STAB2: variants seen among roughly 807,000 people sequenced by gnomAD.
The protein encoded by STAB2 is stabilin-2.
Under a neutral mutation model 338.1 loss-of-function variants are expected in STAB2, and 288 were observed. The observed-to-expected ratio is 0.85, with a 90% CI of 0.77 to 0.94. The LOEUF is 0.94. Among genes scored for constraint, STAB2 ranks in the 40% least tolerant of loss-of-function variants. The probability of loss-of-function intolerance (pLI) is 0.00; values close to 1 mark genes in which losing one functional copy is unlikely to be tolerated. For missense variants in STAB2, 3,141 were observed against 3,210.1 expected (o/e 0.98, Z 0.52); for synonymous variants, 1,202 against 1,193.3 (o/e 1.01, Z -0.15).
chr12:103,611,715 T>C (rs1387725750), intron 3 of STAB2, among the ~76,000 whole-genome samples: 1 of 152,190 alleles, frequency 6.6e-6, no homozygotes, highest in Non-Finnish European at 1.5e-5. Flanking sequence ...ATGTGTGAAT[T>C]TGATCCTGTC....
Position 103,666,298 on chromosome 12 carries a change from G to A in STAB2, c.2030G>A (p.Cys677Tyr), listed in dbSNP as rs1289036662. ...TCCTGTCTCTCCCTCCAGGGCACTTGTGTGAGCTGTTCTCTGGTGTACTGG... is the reference window on the plus strand; with the variant it reads ...TCCTGTCTCTCCCTCCAGGGCACTTATGTGAGCTGTTCTCTGGTGTACTGG... Reference protein sequence around the residue: ...ETKREMKLGTCVSCSLVYWSR... With the variant: ...ETKREMKLGTYVSCSLVYWSR... The change falls in exon 19 of 69, where the codon TGT (cysteine) becomes TAT (tyrosine). Residue 677 changes from cysteine (C) to tyrosine (Y), a missense_variant. Physicochemically the swap from Cys to Tyr is radical, Grantham distance 194. Coordinates refer to ENST00000388887, the MANE Select transcript of STAB2 (RefSeq NM_017564.10). 4 of 1,614,078 alleles carry A rather than the reference G, an allele frequency of 2.5e-6. No homozygotes were observed. Among genetic ancestry groups the A allele is most frequent in the Non-Finnish European group, 3.4e-6 (4 of 1,180,032 alleles).
At chr12:103,660,191 G>A (rs1874489930) in intron 15 of STAB2, 140 bp from the exon 16 acceptor site, 1 of 840,340 alleles carries the variant, frequency 1.2e-6, no homozygotes, top group Non-Finnish European at 2.0e-6. Flanking sequence ...ATTTGGAGGT[G>A]GGGTTTCTCT....
chr12:103,729,004 CA>C lies in STAB2; in HGVS notation c.5082+10del, dbSNP rs1324226081. 40 of 1,613,368 alleles carry C rather than the reference CA, an allele frequency of 2.5e-5. No individual in the cohort carries two copies. Among genetic ancestry groups the C allele is most frequent in the Non-Finnish European group, 3.3e-5 (39 of 1,179,612 alleles). ...TCATCTCCGTCTCTCAGGTAGATGCCAGTTATCCTTAGGTCCTCTCTCCCCT... is the reference window on the plus strand; with the variant it reads ...TCATCTCCGTCTCTCAGGTAGATGCCGTTATCCTTAGGTCCTCTCTCCCCT... On this transcript the variant is annotated intron_variant, in intron 48 of 68. Coordinates refer to ENST00000388887, the MANE Select transcript of STAB2 (RefSeq NM_017564.10).
intron 44 of STAB2, among the ~76,000 whole-genome samples, chr12:103,721,252 C>T (rs887595193): frequency 5.3e-5 from 8 of 152,088 alleles, no homozygotes; most frequent in East Asian, 1.9e-4. Context: ...GCCTCTCTGC[C>T]GAGGTGACTC....
rs566789505 is a variant in STAB2 at position 103,648,893 on chromosome 12, T to C, written c.1174+70T>C. The C allele has an allele frequency of 4.6e-5, 73 of 1,573,144 alleles. No homozygotes were observed. The Middle Eastern group carries it at 5.1e-4, about 11-fold the overall frequency. On this transcript the variant is annotated intron_variant, in intron 10 of 68. Coordinates refer to ENST00000388887, the MANE Select transcript of STAB2 (RefSeq NM_017564.10). ...AGGAAAGGGCATCTGCAAGATACAA[T>C]GATTCAGAAAGGGACAGGCGAGCCT... is the stretch of plus-strand genomic sequence containing the variant.
intron 9 of STAB2, among the ~76,000 whole-genome samples, chr12:103,648,487 G>A (rs1873494021): frequency 6.6e-6 from 1 of 152,108 alleles, no homozygotes; most frequent in South Asian, 2.1e-4. Flanking sequence ...AAGATATCTA[G>A]TGTTGACAGA....
At position 103,755,368 on chromosome 12, in the gene STAB2, G is replaced by A. The variant is rs147296184; in HGVS notation, c.6781G>A (p.Ala2261Thr). The A allele has an allele frequency of 3.7e-5, 60 of 1,614,092 alleles. No individual in the cohort carries two copies. In the Admixed American group the frequency reaches 4.3e-4, roughly 12 times the overall value. Residue 2261 changes from alanine (A) to threonine (T), a missense_variant, in exon 62 of 69, where the codon GCC (alanine) becomes ACC (threonine). Physicochemically the swap from Ala to Thr is moderately conservative, Grantham distance 58. Transcript: ENST00000388887. ...GCGGGTTGCCTACCCCACAGCCTTC[G>A]CCTCCCAGAACTGTGGCTCTGGTGT... ...TGRVAYPTAF[A>T]SQNCGSGVVG...
intron 58 of STAB2, among the ~76,000 whole-genome samples, chr12:103,747,328 C>T (rs923258655): frequency 6.6e-6 from 1 of 152,168 alleles, no homozygotes; most frequent in African/African-American, 2.4e-5. Flanking sequence ...ATAAATAAGG[C>T]AGATGTTTCC....
chr12:103,763,350 A>G (rs978547809), intron 67 of STAB2, 142 bp from the exon 68 acceptor site: 1 of 669,530 alleles, frequency 1.5e-6, no homozygotes, highest in African/African-American at 1.8e-5. Flanking sequence ...ATTTTATTAT[A>G]TGTGAATCAT....
chr12:103,737,536 G>A, intron 52 of STAB2, 98 bp from the exon 53 acceptor site: 1 of 1,355,986 alleles, frequency 7.4e-7, no homozygotes, highest in Non-Finnish European at 9.8e-7. Context: ...CATGTTACAT[G>A]GCTGGGAAAG....
Position 103,594,387 on chromosome 12 carries a change from C to A in STAB2, c.216-8C>A, listed in dbSNP as rs770727505. On this transcript the variant is annotated splice_polypyrimidine_tract_variant and splice_region_variant and intron_variant, in intron 2 of 68. Coordinates refer to ENST00000388887, the MANE Select transcript of STAB2 (RefSeq NM_017564.10). ...TCGTGGGTTAATGTCCTCTCTTTAC[C>A]CTCCAAGGTACACCTTTGAGGTCAG... 1 of 1,610,834 alleles carries A rather than the reference C, an allele frequency of 6.2e-7. No homozygotes were observed. The highest frequency in any genetic ancestry group is 8.5e-7 in the Non-Finnish European group (1 of 1,177,196).
chr12:103,735,802 C>T (rs1216337886), intron 52 of STAB2, among the ~76,000 whole-genome samples: 1 of 152,162 alleles, frequency 6.6e-6, no homozygotes, highest in Non-Finnish European at 1.5e-5. Flanking sequence ...TAGCAGGTGG[C>T]AGGAAGCCTC....
chr12:103,698,901 T>A (rs897153742), intron 33 of STAB2, among the ~76,000 whole-genome samples, 195 bp from the exon 34 acceptor site: 2 of 152,224 alleles, frequency 1.3e-5, no homozygotes, highest in Non-Finnish European at 2.9e-5. Context: ...TCTGGAAAAT[T>A]TGTAAGTTCT....
At chr12:103,746,773 G>T (rs1331297480) in intron 58 of STAB2, 69 bp downstream of exon 58, 4 of 1,498,568 alleles carry the variant, frequency 2.7e-6, no homozygotes, top group Non-Finnish European at 3.7e-6. Context: ...TGCTCACAGT[G>T]CCTGGGCTTC....
chr12:103,749,841 C>CAAAAAAAAAAAAAAAAAA (rs369556936), intron 59 of STAB2, among the ~76,000 whole-genome samples: 6 of 51,152 alleles, frequency 1.2e-4, no homozygotes, highest in African/African-American at 2.1e-4. Flanking sequence ...CTCTGTCTCA[C>CAAAAAAAAAAAAAAAAAA]AAAAAAAAAA....
At chr12:103,759,088 T>G in intron 64 of STAB2, 45 bp from the exon 65 acceptor site, 1 of 1,613,908 alleles carries the variant, frequency 6.2e-7, no homozygotes. Context: ...GACAAAATAT[T>G]GCTTGGCCTT....
At chr12:103,706,418 T>C (rs977894375) in intron 37 of STAB2, among the ~76,000 whole-genome samples, 2 of 152,194 alleles carry the variant, frequency 1.3e-5, no homozygotes, top group Non-Finnish European at 2.9e-5. Context: ...ATAACATCGA[T>C]GTGAAGGGGC....
chr12:103,737,596 CTCT>C, intron 52 of STAB2, 35 bp from the exon 53 acceptor site: 2 of 1,353,122 alleles, frequency 1.5e-6, no homozygotes, highest in Non-Finnish European at 2.0e-6. Flanking sequence ...CTCTCTCTCT[CTCT>C]CTTTCTCTTT....
chr12:103,638,131 C>T lies in STAB2; in HGVS notation c.825C>T (p.Cys275=). 1 of 1,614,218 alleles carries T rather than the reference C, an allele frequency of 6.2e-7. No homozygotes were observed. Among genetic ancestry groups the T allele is most frequent in the South Asian group, 1.1e-5 (1 of 91,080 alleles). ...GCTACCGTGGGGATGGCCAAGTGTG[C>T]TTGCCTGTGGACCCCTGCCAAATTA... ...QEGYRGDGQV[C]LPVDPCQINF... The change falls in exon 8 of 69, where the codon TGC becomes TGT. Residue 275 remains cysteine (C), a synonymous_variant. Transcript: ENST00000388887.
Sources: allele counts gnomAD v4.1 joint callset (sites outside exome capture counted in the v4.1 genomes callset), GRCh38; gene constraint gnomAD v4.1.1; transcripts MANE v1.5; gene names NCBI Gene and HGNC (gene_info 2026-07-23, HGNC 2026-07-21).